Variants in SGCZ observed in about 807,000 individuals in gnomAD.
SGCZ encodes the protein sarcoglycan zeta, also known as zeta-sarcoglycan.
Under a neutral mutation model 41.3 loss-of-function variants are expected in SGCZ, and 40 were observed. The ratio of observed to expected loss-of-function variants is 0.97; its 90% CI spans 0.75 to 1.26. The LOEUF is 1.26. Among genes scored for constraint, SGCZ ranks in the 50% most tolerant of loss-of-function variants. SGCZ has a pLI of 0.00. For synonymous variants in SGCZ, 206 were observed against 137.5 expected (o/e 1.50, Z -3.49); for missense variants, 552 against 369.8 (o/e 1.49, Z -4.04).
chr8:14,562,777 G>C (rs1229244475), intron 1 of SGCZ, among the ~76,000 whole-genome samples: 1 of 152,002 alleles, frequency 6.6e-6, no homozygotes, highest in Non-Finnish European at 1.5e-5. Flanking sequence ...TTAAACCCAC[G>C]ACCAATACCA....
chr8:15,177,708 C>A (rs1031380702), intron 1 of SGCZ, among the ~76,000 whole-genome samples: 1 of 152,104 alleles, frequency 6.6e-6, no homozygotes, highest in Non-Finnish European at 1.5e-5. Flanking sequence ...TAAGGTCTAA[C>A]AGAATGTATC....
chr8:14,122,254 G>C (rs1802721412), intron 5 of SGCZ, among the ~76,000 whole-genome samples: 1 of 152,164 alleles, frequency 6.6e-6, no homozygotes, highest in Non-Finnish European at 1.5e-5. Context: ...TCGGCAGCCT[G>C]GGAGACAGAG....
chr8:14,957,816 A>G (rs758289206), intron 1 of SGCZ, among the ~76,000 whole-genome samples: 1 of 152,098 alleles, frequency 6.6e-6, no homozygotes, highest in East Asian at 1.9e-4. Flanking sequence ...TACATAAAAC[A>G]AAAGTCAAGA....
chr8:14,234,495 T>C (rs1389324060), intron 4 of SGCZ, among the ~76,000 whole-genome samples: 1 of 152,122 alleles, frequency 6.6e-6, no homozygotes, highest in Non-Finnish European at 1.5e-5. Context: ...TGACTATACC[T>C]TTCTAACAGA....
chr8:14,910,002 C>G (rs1292134495), intron 1 of SGCZ, among the ~76,000 whole-genome samples: 1 of 152,092 alleles, frequency 6.6e-6, no homozygotes, highest in African/African-American at 2.4e-5. Flanking sequence ...ATTTTTAATG[C>G]ATTGGCCTCT....
At chr8:15,164,804 C>A (rs1457065442) in intron 1 of SGCZ, among the ~76,000 whole-genome samples, 5 of 152,110 alleles carry the variant, frequency 3.3e-5, no homozygotes, top group African/African-American at 9.7e-5. Flanking sequence ...TGCTGCAAGC[C>A]TCCATCTTGT....
intron 1 of SGCZ, among the ~76,000 whole-genome samples, chr8:14,569,533 C>G (rs1804485135): frequency 6.6e-6 from 1 of 152,154 alleles, no homozygotes; most frequent in South Asian, 2.1e-4. Context: ...AAGCACTCTT[C>G]TAGAAGCTAT....
intron 2 of SGCZ, among the ~76,000 whole-genome samples, chr8:14,395,452 A>G (rs1308765190): frequency 1.3e-5 from 2 of 152,186 alleles, no homozygotes; most frequent in Non-Finnish European, 2.9e-5. Context: ...ACACTTTACA[A>G]AGGGTGGGTT....
chr8:14,323,630 G>A (rs747936752), intron 3 of SGCZ, among the ~76,000 whole-genome samples: 5 of 151,956 alleles, frequency 3.3e-5, no homozygotes, highest in Admixed American at 6.6e-5. Context: ...AAATATTCTC[G>A]CTTGTTTTAC....
chr8:14,378,616 G>A (rs138105092), intron 2 of SGCZ, among the ~76,000 whole-genome samples: 1,741 of 152,196 alleles, frequency 0.011, 27 homozygotes, highest in African/African-American at 0.029. Context: ...AAAAGTGGGC[G>A]AAGGACATGA....
At chr8:14,279,398 A>G (rs1020283242) in intron 3 of SGCZ, among the ~76,000 whole-genome samples, 1 of 152,062 alleles carries the variant, frequency 6.6e-6, no homozygotes, top group East Asian at 1.9e-4. Context: ...TATCACAAAA[A>G]TGGGACATTT....
At chr8:15,109,435 T>G (rs1252575433) in intron 1 of SGCZ, among the ~76,000 whole-genome samples, 1 of 152,144 alleles carries the variant, frequency 6.6e-6, no homozygotes, top group Non-Finnish European at 1.5e-5. Flanking sequence ...AAAAAATGTT[T>G]ATACGAGAAA....
chr8:14,711,712 T>A (rs1303777256), intron 1 of SGCZ, among the ~76,000 whole-genome samples: 1 of 151,970 alleles, frequency 6.6e-6, no homozygotes, highest in African/African-American at 2.4e-5. Context: ...GCATTAGTGT[T>A]AATAGTCCTT....
intron 4 of SGCZ, among the ~76,000 whole-genome samples, chr8:14,231,650 G>T (rs1340099187): frequency 6.6e-6 from 1 of 151,604 alleles, no homozygotes; most frequent in Admixed American, 6.6e-5. Context: ...TTTTTGTTAT[G>T]AATCCAGCAT....
intron 5 of SGCZ, among the ~76,000 whole-genome samples, chr8:14,112,289 G>GT (rs77331046): frequency 0.18 from 27,266 of 148,126 alleles, 3,742 homozygotes; most frequent in East Asian, 0.68. Context: ...TTTGTGGGGG[G>GT]GGGGTGCAAA....
intron 2 of SGCZ, among the ~76,000 whole-genome samples, chr8:14,432,909 G>A (rs1443956904): frequency 1.4e-5 from 1 of 71,462 alleles, no homozygotes; most frequent in African/African-American, 6.2e-5. Context: ...GTGAGACTGT[G>A]TCTCCAAAAA....
At chr8:15,236,542 G>A (rs1802127272) in intron 1 of SGCZ, among the ~76,000 whole-genome samples, 1 of 152,174 alleles carries the variant, frequency 6.6e-6, no homozygotes, top group Admixed American at 6.5e-5. Flanking sequence ...GAAGGGTGGA[G>A]GATTTCAATA....
intron 1 of SGCZ, among the ~76,000 whole-genome samples, chr8:14,828,872 A>G (rs1802429979): frequency 1.3e-5 from 2 of 152,324 alleles, no homozygotes; most frequent in Admixed American, 6.5e-5. Context: ...TCTTTCTTCA[A>G]ACAAGGACAA....
At chr8:15,064,623 C>A (rs1805057906) in intron 1 of SGCZ, among the ~76,000 whole-genome samples, 1 of 151,488 alleles carries the variant, frequency 6.6e-6, no homozygotes, top group South Asian at 2.1e-4. Flanking sequence ...CAGATCACCA[C>A]ATTCAGACAA....
Sources: allele counts gnomAD v4.1 joint callset (sites outside exome capture counted in the v4.1 genomes callset), GRCh38; gene constraint gnomAD v4.1.1; transcripts MANE v1.5; gene names NCBI Gene and HGNC (gene_info 2026-07-23, HGNC 2026-07-21).